The following SH2D4A variants were observed in gnomAD, a reference collection of about 807,000 sequenced individuals.
SH2D4A encodes SH2 domain containing 4A, also known as SH2 domain-containing protein 4A.
In SH2D4A, 70 loss-of-function variants were observed where a neutral mutation model predicts 64.7. That is an observed-to-expected ratio of 1.08 (90% CI 0.89 to 1.32). SH2D4A has a LOEUF of 1.32. Among genes scored for constraint, SH2D4A ranks in the 40% most tolerant of loss-of-function variants. The pLI, the probability that SH2D4A is intolerant of heterozygous loss-of-function variation, is 0.00. For synonymous variants in SH2D4A, 268 were observed against 200.7 expected (o/e 1.34, Z -2.83); for missense variants, 706 against 540.1 (o/e 1.31, Z -3.04).
At chr8:19,387,037 C>G (rs1466338132) in intron 8 of SH2D4A, among the ~76,000 whole-genome samples, 4 of 127,558 alleles carry the variant, frequency 3.1e-5, no homozygotes, top group East Asian at 5.0e-4. Flanking sequence ...TTTTGTTGTT[C>G]TTTGTAGAGA....
intron 7 of SH2D4A, among the ~76,000 whole-genome samples, chr8:19,366,484 C>T (rs1214538378): frequency 6.6e-6 from 1 of 152,120 alleles, no homozygotes; most frequent in Non-Finnish European, 1.5e-5. Context: ...CCTCTGCTAA[C>T]CACTGTTCCA....
intron 8 of SH2D4A, among the ~76,000 whole-genome samples, chr8:19,390,096 G>A (rs2053465022): frequency 6.6e-6 from 1 of 152,164 alleles, no homozygotes; most frequent in South Asian, 2.1e-4. Flanking sequence ...GAGGCCGGGT[G>A]CAGTGGCTCA....
chr8:19,350,143 C>T (rs2052676794), intron 4 of SH2D4A, among the ~76,000 whole-genome samples: 1 of 152,296 alleles, frequency 6.6e-6, no homozygotes, highest in African/African-American at 2.4e-5. Flanking sequence ...TATGCTTACA[C>T]TTTATATTTC....
intron 8 of SH2D4A, among the ~76,000 whole-genome samples, chr8:19,379,728 T>C (rs894579181): frequency 3.9e-5 from 6 of 152,094 alleles, no homozygotes; most frequent in African/African-American, 1.2e-4. Context: ...CACTTGTTAT[T>C]TTTCTTTTTC....
chr8:19,374,275 A>T (rs1037349850), intron 8 of SH2D4A, among the ~76,000 whole-genome samples: 2 of 152,156 alleles, frequency 1.3e-5, no homozygotes, highest in African/African-American at 2.4e-5. Flanking sequence ...AAGAAACTTG[A>T]TTCAAGCCCC....
intron 5 of SH2D4A, among the ~76,000 whole-genome samples, chr8:19,360,071 G>A (rs2052856209): frequency 6.6e-6 from 1 of 152,118 alleles, no homozygotes; most frequent in Non-Finnish European, 1.5e-5. Context: ...GTACTTTTCA[G>A]GTCTAAGTGA....
intron 1 of SH2D4A, 130 bp from the exon 2 acceptor site, chr8:19,319,214 C>A: frequency 1.8e-6 from 1 of 560,900 alleles, no homozygotes; most frequent in Non-Finnish European, 2.3e-6. Context: ...CTCAGATTTT[C>A]TTCTTCTCTT....
At chr8:19,386,165 T>C (rs976948782) in intron 8 of SH2D4A, among the ~76,000 whole-genome samples, 3 of 152,224 alleles carry the variant, frequency 2.0e-5, no homozygotes, top group Non-Finnish European at 4.4e-5. Context: ...CCTACATTAA[T>C]GTCATTAAAG....
At chr8:19,317,206 C>T (rs1006154006) in intron 1 of SH2D4A, among the ~76,000 whole-genome samples, 2 of 152,004 alleles carry the variant, frequency 1.3e-5, no homozygotes, top group African/African-American at 4.8e-5. Context: ...CCTTTCTTAC[C>T]ACTTTATCTT....
At chr8:19,362,769 CACAG>C (rs1436141480) in intron 6 of SH2D4A, among the ~76,000 whole-genome samples, 2 of 151,942 alleles carry the variant, frequency 1.3e-5, no homozygotes, top group African/African-American at 2.4e-5. Flanking sequence ...ACAAAAAAAA[CACAG>C]ACACACACAT....
At chr8:19,380,939 A>G (rs2053282746) in intron 8 of SH2D4A, among the ~76,000 whole-genome samples, 1 of 152,066 alleles carries the variant, frequency 6.6e-6, no homozygotes, top group East Asian at 1.9e-4. Context: ...ATTGCATTGA[A>G]TCTGTATATC....
intron 8 of SH2D4A, among the ~76,000 whole-genome samples, chr8:19,386,925 G>A (rs1376382604): frequency 6.6e-6 from 1 of 152,212 alleles, no homozygotes; most frequent in Non-Finnish European, 1.5e-5. Flanking sequence ...GAATGCAGGT[G>A]TATACCACCA....
chr8:19,386,784 C>A lies in SH2D4A; in HGVS notation c.1049-6534C>A, dbSNP rs191260768. On this transcript the variant is annotated intron_variant, in intron 8 of 9. Transcript: ENST00000265807. ...GTCATCAAACATTTGTTATCACATG[C>A]TTTTTTTAAAAAAAAGACAGGGTGT... Among the ~76,000 whole-genome samples, 14 of 152,116 alleles carry A rather than the reference C, an allele frequency of 9.2e-5. No individual in the cohort carries two copies. In the East Asian group the frequency reaches 2.5e-3, roughly 27 times the overall value.
chr8:19,382,902 C>T (rs2053321884), intron 8 of SH2D4A, among the ~76,000 whole-genome samples: 1 of 132,160 alleles, frequency 7.6e-6, no homozygotes, highest in Non-Finnish European at 1.5e-5. Context: ...GTGATCTTGA[C>T]TCGCTACAGC....
At chr8:19,346,194 T>TG (rs1165193567) in intron 4 of SH2D4A, among the ~76,000 whole-genome samples, 2 of 152,220 alleles carry the variant, frequency 1.3e-5, no homozygotes, top group Non-Finnish European at 2.9e-5. Context: ...CCCTGATACT[T>TG]GGGGCAGTAT....
chr8:19,370,878 G>GT (rs1220722337), intron 7 of SH2D4A, among the ~76,000 whole-genome samples: 2 of 151,932 alleles, frequency 1.3e-5, no homozygotes, highest in East Asian at 3.9e-4. Context: ...TATCTTTGGT[G>GT]TATCTGTTAT....
chr8:19,363,878 G>C (rs1369355864), intron 6 of SH2D4A, 194 bp from the exon 7 acceptor site: 1 of 598,830 alleles, frequency 1.7e-6, no homozygotes, highest in Non-Finnish European at 3.0e-6. Context: ...TGTATGAAGA[G>C]AGGAATCCTG....
chr8:19,382,197 T>G (rs1346705016), intron 8 of SH2D4A, among the ~76,000 whole-genome samples: 1 of 152,200 alleles, frequency 6.6e-6, no homozygotes, highest in African/African-American at 2.4e-5. Flanking sequence ...GGTAACAAAC[T>G]TCCTTAGCTT....
intron 4 of SH2D4A, among the ~76,000 whole-genome samples, chr8:19,353,659 A>T (rs1585173021): frequency 7.5e-6 from 1 of 133,464 alleles, no homozygotes; most frequent in African/African-American, 2.8e-5. Context: ...GAGCCACCAC[A>T]CCTGGCCTCT....
Sources: gnomAD v4.1 joint callset for allele counts (sites outside exome capture counted in the v4.1 genomes callset) on GRCh38, gnomAD v4.1.1 for gene constraint, MANE v1.5 for transcripts, NCBI Gene and HGNC (gene_info 2026-07-23, HGNC 2026-07-21) for gene names.